The following ST3GAL1 variants were observed in gnomAD, a reference collection of about 807,000 sequenced individuals.
ST3GAL1 encodes the protein ST3 beta-galactoside alpha-2,3-sialyltransferase 1.
A neutral mutation model predicts 34.1 loss-of-function variants in ST3GAL1; 16 were observed. The observed-to-expected ratio is 0.47, with a 90% confidence interval of 0.32 to 0.71. The LOEUF is 0.71. ST3GAL1 is among the 30% of genes least tolerant of loss of function. ST3GAL1 has a pLI of 0.04. For synonymous variants in ST3GAL1, 191 were observed against 184.7 expected, an observed-to-expected ratio of 1.03 and a Z score of -0.28; for missense variants, 353 against 447.4, an observed-to-expected ratio of 0.79 and a Z score of 1.90.
At chr8:133,539,281 T>C (rs937776896) in intron 2 of ST3GAL1, among the ~76,000 whole-genome samples, 13 of 152,302 alleles carry the variant, frequency 8.5e-5, no homozygotes, top group Non-Finnish European at 1.5e-4. Flanking sequence ...GTAAATTCAC[T>C]GTACCATGGA....
At chr8:133,515,900 G>T (rs1817631623) in intron 2 of ST3GAL1, among the ~76,000 whole-genome samples, 2 of 152,082 alleles carry the variant, frequency 1.3e-5, no homozygotes, top group African/African-American at 4.8e-5. Flanking sequence ...ACCCAGGCTG[G>T]AGTGCAGTGC....
chr8:133,491,752 G>A (rs571337850), intron 3 of ST3GAL1, among the ~76,000 whole-genome samples: 6 of 152,124 alleles, frequency 3.9e-5, no homozygotes, highest in Non-Finnish European at 5.9e-5. Context: ...GGGTGGGAGC[G>A]TCAGGCGACA....
chr8:133,475,374 T>C (rs576741127), intron 5 of ST3GAL1, among the ~76,000 whole-genome samples: 1 of 152,334 alleles, frequency 6.6e-6, no homozygotes, highest in East Asian at 1.9e-4. Flanking sequence ...GATGCACTTT[T>C]GGTGTTTTGA....
chr8:133,565,143 CTGTGTGCCTGTG>C (rs1261330589), intron 1 of ST3GAL1, among the ~76,000 whole-genome samples: 1 of 126,050 alleles, frequency 7.9e-6, no homozygotes, highest in East Asian at 2.5e-4. Context: ...GATAACAGCT[CTGTGTGCCTGTG>C]TGTGTGTGTG....
At chr8:133,460,079 AC>A in intron 9 of ST3GAL1, 142 bp from the exon 10 acceptor site, 1 of 803,446 alleles carries the variant, frequency 1.2e-6, no homozygotes, top group South Asian at 2.6e-5. Flanking sequence ...TTCATTAAAA[AC>A]CCTTCTCTAC....
intron 2 of ST3GAL1, among the ~76,000 whole-genome samples, chr8:133,520,750 G>GTT (rs1222156752): frequency 2.7e-5 from 4 of 147,116 alleles, no homozygotes; most frequent in Non-Finnish European, 6.0e-5. Context: ...GCCCAAAGAT[G>GTT]TTTATCATGT....
At chr8:133,540,740 T>C (rs55781350) in intron 2 of ST3GAL1, among the ~76,000 whole-genome samples, 2 of 90,408 alleles carry the variant, frequency 2.2e-5, no homozygotes, top group African/African-American at 1.0e-4. Flanking sequence ...TATATATATA[T>C]ATAGACATAT....
At chr8:133,551,646 CTTTACTCATTG>C (rs1243436209) in intron 1 of ST3GAL1, among the ~76,000 whole-genome samples, 3 of 152,116 alleles carry the variant, frequency 2.0e-5, no homozygotes, top group Non-Finnish European at 4.4e-5. Context: ...CTGAGTTTTA[CTTTACTCATTG>C]GTAAAATGGA....
chr8:133,541,605 CCAGACACTGCTGTCAG>C (rs1215786763), intron 2 of ST3GAL1, among the ~76,000 whole-genome samples: 2 of 152,174 alleles, frequency 1.3e-5, no homozygotes, highest in Non-Finnish European at 2.9e-5. Flanking sequence ...ACTGTGACGG[CCAGACACTGCTGTCAG>C]CAGGGACAAA....
At chr8:133,540,976 T>TA (rs1818487920) in intron 2 of ST3GAL1, among the ~76,000 whole-genome samples, 14 of 25,156 alleles carry the variant, frequency 5.6e-4, no homozygotes, top group African/African-American at 1.7e-3. Context: ...GACATATATA[T>TA]GCAGACATAT....
At chr8:133,543,528 G>C (rs979045166) in intron 2 of ST3GAL1, among the ~76,000 whole-genome samples, 2 of 152,014 alleles carry the variant, frequency 1.3e-5, no homozygotes, top group African/African-American at 4.8e-5. Context: ...CCTGGACGAA[G>C]GAGGTCCAGG....
At chr8:133,532,129 T>TTTG (rs553587181) in intron 2 of ST3GAL1, among the ~76,000 whole-genome samples, 5 of 152,066 alleles carry the variant, frequency 3.3e-5, no homozygotes, top group Non-Finnish European at 5.9e-5. Context: ...CTCTTCTAAT[T>TTTG]TTGTTGTTGT....
At chr8:133,468,156 T>C (rs182275396) in intron 5 of ST3GAL1, among the ~76,000 whole-genome samples, 25 of 152,188 alleles carry the variant, frequency 1.6e-4, no homozygotes, top group African/African-American at 6.0e-4. Flanking sequence ...CAAGCAGATA[T>C]TGGTATACCC....
rs879404227 is a variant in ST3GAL1, at chr8:133,523,308, G to A, written c.-429+22466C>T. 2.0e-5 allele frequency among the ~76,000 whole-genome samples: 3 copies of A among 152,068 alleles called. No homozygotes were observed. The East Asian group carries it at 5.8e-4, about 29-fold the overall frequency. On this transcript the variant is annotated intron_variant, in intron 2 of 9. Coordinates refer to ENST00000522652, the MANE Select transcript of ST3GAL1 (RefSeq NM_173344.3). ...CTGCCACACCCCCATGCACACCTCTGTCCTAGCACAAGTCACAAAGGTGTG... is the reference window on the plus strand; with the variant it reads ...CTGCCACACCCCCATGCACACCTCTATCCTAGCACAAGTCACAAAGGTGTG...
chr8:133,464,268 G>C (rs1242344109), intron 7 of ST3GAL1, among the ~76,000 whole-genome samples: 3 of 152,112 alleles, frequency 2.0e-5, no homozygotes, highest in African/African-American at 7.2e-5. Flanking sequence ...TGCCACGTGC[G>C]GTGTCTGCTC....
chr8:133,467,499 C>T lies in ST3GAL1; in HGVS notation c.307-1409G>A, dbSNP rs1277294736. Among the ~76,000 whole-genome samples the T allele has an allele frequency of 1.3e-5, 2 of 152,222 alleles. No homozygotes were observed. The highest frequency in any genetic ancestry group is 6.5e-5 in the Admixed American group (1 of 15,282). The stretch of plus-strand genomic sequence containing the variant: ...GAGGCCAGAGAGGTAAGCAACTCAT[C>T]CCAAATACAAACCAGGATTTGAACC... On this transcript the variant is annotated intron_variant, in intron 5 of 9. Transcript: ENST00000522652. The surrounding 1 kb of genome is among the most constrained non-coding windows in gnomAD (Gnocchi z 4.2).
intron 2 of ST3GAL1, among the ~76,000 whole-genome samples, chr8:133,505,008 G>A (rs914514951): frequency 2.5e-4 from 38 of 152,106 alleles, no homozygotes; most frequent in Admixed American, 1.0e-3. Flanking sequence ...CAGAAAAGAC[G>A]GGCTAACTCT....
intron 3 of ST3GAL1, among the ~76,000 whole-genome samples, chr8:133,498,213 C>T (rs1817028066): frequency 6.6e-6 from 1 of 152,246 alleles, no homozygotes; most frequent in Non-Finnish European, 1.5e-5. Flanking sequence ...CATCCGACTC[C>T]CTGACTGCTG....
At position 133,461,800 on chromosome 8, in the gene ST3GAL1, C is replaced by A. The variant is rs1484791962; in HGVS notation, c.849+75G>T. 19 of 1,590,488 alleles carry A rather than the reference C, an allele frequency of 1.2e-5. No homozygotes were observed. Among genetic ancestry groups the A allele is most frequent in the Middle Eastern group, 3.4e-4 (2 of 5,812 alleles). ...GCAGGCTAGGTCTACCTGCCCTCCC[C>A]CTCCCTGGCCTCTCTTGGGAACACA... On this transcript the variant is annotated intron_variant, in intron 9 of 9. Coordinates refer to ENST00000522652, the MANE Select transcript of ST3GAL1 (RefSeq NM_173344.3). The surrounding 1 kb of genome is among the most constrained non-coding windows in gnomAD (Gnocchi z 4.7).
Sources: gnomAD v4.1 joint callset for allele counts (sites outside exome capture counted in the v4.1 genomes callset) on GRCh38, gnomAD v4.1.1 for gene constraint, Gnocchi (gnomAD v3.1) non-coding constraint, MANE v1.5 for transcripts, NCBI Gene and HGNC (gene_info 2026-07-23, HGNC 2026-07-21) for gene names.